DKK2: variants seen among roughly 807,000 people sequenced by gnomAD.
The protein encoded by DKK2 is dickkopf-related protein 2.
Under a neutral mutation model 28.1 loss-of-function variants are expected in DKK2, and 11 were observed. The ratio of observed to expected loss-of-function variants is 0.39; its 90% CI spans 0.25 to 0.65. The LOEUF (loss-of-function observed/expected upper bound fraction) is 0.65, where lower values mean the gene tolerates loss of function less well. Ranked by LOEUF, DKK2 falls within the 30% of genes least tolerant of loss-of-function variation. DKK2 has a pLI of 0.47. For synonymous variants in DKK2, 135 were observed against 126.5 expected (o/e 1.07, Z -0.45); for missense variants, 326 against 335.5 (o/e 0.97, Z 0.22).
At chr4:106,956,908 T>C (rs1173501891) in intron 1 of DKK2, among the ~76,000 whole-genome samples, 53 of 151,028 alleles carry the variant, frequency 3.5e-4, no homozygotes, top group Admixed American at 1.5e-3. Flanking sequence ...AAATGGGATC[T>C]AATTAAACTA....
At chr4:107,018,063 T>A (rs1171010872) in intron 1 of DKK2, among the ~76,000 whole-genome samples, 1 of 151,892 alleles carries the variant, frequency 6.6e-6, no homozygotes, top group African/African-American at 2.4e-5. Context: ...AAAGAGGAAA[T>A]CAAAATCAAA....
chr4:106,927,614 G>A (rs200629442), intron 1 of DKK2, among the ~76,000 whole-genome samples: 1 of 152,118 alleles, frequency 6.6e-6, no homozygotes, highest in Admixed American at 6.6e-5. Context: ...TTAGGCTTAA[G>A]AGAATCTTAG....
intron 1 of DKK2, among the ~76,000 whole-genome samples, chr4:106,986,664 A>T (rs1723124325): frequency 6.6e-6 from 1 of 152,200 alleles, no homozygotes; most frequent in Non-Finnish European, 1.5e-5. Flanking sequence ...CATCACACAC[A>T]CACACACCAT....
At chr4:106,952,239 C>G (rs577015674) in intron 1 of DKK2, among the ~76,000 whole-genome samples, 2 of 152,210 alleles carry the variant, frequency 1.3e-5, no homozygotes, top group South Asian at 4.1e-4. Flanking sequence ...TTTTATAGTT[C>G]TTCCTAGTAG....
chr4:107,005,339 T>TG (rs1723421440), intron 1 of DKK2, among the ~76,000 whole-genome samples: 1 of 49,942 alleles, frequency 2.0e-5, no homozygotes. Flanking sequence ...AGACTTGGTC[T>TG]CAAAAAAAAA....
At chr4:106,987,100 T>G (rs926198981) in intron 1 of DKK2, among the ~76,000 whole-genome samples, 3 of 152,224 alleles carry the variant, frequency 2.0e-5, no homozygotes, top group Admixed American at 2.0e-4. Context: ...TACTTTGTTT[T>G]TCATATATCT....
chr4:106,967,463 G>T (rs1722799691), intron 1 of DKK2, among the ~76,000 whole-genome samples: 1 of 152,112 alleles, frequency 6.6e-6, no homozygotes, highest in Non-Finnish European at 1.5e-5. Flanking sequence ...GCTGGAGAAA[G>T]CCTGGGGAAA....
intron 1 of DKK2, among the ~76,000 whole-genome samples, chr4:107,006,770 AAATT>A (rs1723443626): frequency 6.6e-6 from 1 of 152,208 alleles, no homozygotes; most frequent in African/African-American, 2.4e-5. Flanking sequence ...AATTAAATGA[AAATT>A]AAGGACATGT....
intron 1 of DKK2, among the ~76,000 whole-genome samples, chr4:107,025,608 T>C (rs1723766986): frequency 6.6e-6 from 1 of 152,184 alleles, no homozygotes; most frequent in South Asian, 2.1e-4. Flanking sequence ...CCACCACCAC[T>C]TTTGTCCCTT....
Position 106,924,169 on chromosome 4 carries a change from A to G in DKK2, c.565T>C (p.Cys189Arg), listed in dbSNP as rs1370011086. 6.2e-7 allele frequency: 1 copy of G among 1,613,990 alleles called. No individual in the cohort carries two copies. Among genetic ancestry groups the G allele is most frequent in the Non-Finnish European group, 8.5e-7 (1 of 1,179,916 alleles). Residue 189 changes from cysteine (C) to arginine (R), a missense_variant, in exon 4 of 4, where the codon TGC (cysteine) becomes CGC (arginine). Cys to Arg is a radical substitution (Grantham distance 180). Transcript: ENST00000285311. ...CGAGCACAGCAAAACCCTTCAATGC[A>G]GTCTGATGATCGTAGGCAGGGGTCT... ...EGDPCLRSSD[C>R]IEGFCCARHF... is the part of the protein sequence containing the mutation.
intron 1 of DKK2, among the ~76,000 whole-genome samples, chr4:107,023,442 C>A (rs922330753): frequency 6.6e-5 from 10 of 151,856 alleles, no homozygotes; most frequent in Admixed American, 4.6e-4. Context: ...TGAGACAAAA[C>A]TAGATACAGT....
chr4:106,958,438 T>C (rs1305192400), intron 1 of DKK2, among the ~76,000 whole-genome samples: 1 of 152,114 alleles, frequency 6.6e-6, no homozygotes, highest in African/African-American at 2.4e-5. Flanking sequence ...ATAAATTAAA[T>C]TATAGTCCTG....
chr4:106,940,972 G>T (rs538911933), intron 1 of DKK2, among the ~76,000 whole-genome samples: 14 of 152,006 alleles, frequency 9.2e-5, no homozygotes, highest in Non-Finnish European at 1.0e-4. Context: ...GTGGGGTGAG[G>T]GGGGAGGGAT....
At chr4:106,927,413 A>G (rs1277604045) in intron 1 of DKK2, among the ~76,000 whole-genome samples, 1 of 152,198 alleles carries the variant, frequency 6.6e-6, no homozygotes, top group Non-Finnish European at 1.5e-5. Flanking sequence ...AGAGATAAAA[A>G]ATGTATTTTA....
chr4:107,003,164 T>A (rs1225253556), intron 1 of DKK2, among the ~76,000 whole-genome samples: 1 of 152,128 alleles, frequency 6.6e-6, no homozygotes, highest in African/African-American at 2.4e-5. Flanking sequence ...TACTGGCAAT[T>A]TTCAGTGGCT....
chr4:106,993,552 T>A (rs1723232751), intron 1 of DKK2, among the ~76,000 whole-genome samples: 1 of 152,132 alleles, frequency 6.6e-6, no homozygotes, highest in Admixed American at 6.6e-5. Flanking sequence ...CTCCAAGCTA[T>A]TAGGGATTAA....
At chr4:106,998,245 T>C (rs1165130214) in intron 1 of DKK2, among the ~76,000 whole-genome samples, 3 of 152,208 alleles carry the variant, frequency 2.0e-5, no homozygotes, top group African/African-American at 4.8e-5. Context: ...GTGTTGGGTT[T>C]TTCTAGTCCA....
At chr4:106,934,309 C>T (rs947679709) in intron 1 of DKK2, among the ~76,000 whole-genome samples, 1 of 152,124 alleles carries the variant, frequency 6.6e-6, no homozygotes, top group Admixed American at 6.6e-5. Flanking sequence ...TACTACAATA[C>T]TAAAGTGAAA....
At chr4:106,937,604 T>G (rs1227019847) in intron 1 of DKK2, among the ~76,000 whole-genome samples, 1 of 151,828 alleles carries the variant, frequency 6.6e-6, no homozygotes, top group African/African-American at 2.4e-5. Flanking sequence ...ACTCAGCTCT[T>G]CACCAAGCGG....
Sources: gnomAD v4.1 joint callset for allele counts (sites outside exome capture counted in the v4.1 genomes callset) on GRCh38, gnomAD v4.1.1 for gene constraint, MANE v1.5 for transcripts, NCBI Gene and HGNC (gene_info 2026-07-23, HGNC 2026-07-21) for gene names.